Variants in MECOM observed in about 807,000 individuals in gnomAD.
MECOM encodes MDS1 and EVI1 complex locus, also known as histone-lysine N-methyltransferase MECOM.
MECOM carries 13 observed loss-of-function variants against 116.3 expected under a neutral mutation model. The observed-to-expected ratio is 0.11, with a 90% CI of 0.07 to 0.18. The LOEUF is 0.18. MECOM is among the 10% of genes least tolerant of loss of function. The probability of loss-of-function intolerance (pLI) is 1.00; values close to 1 mark genes in which losing one functional copy is unlikely to be tolerated. For missense variants in MECOM, 1,299 were observed against 1,509.0 expected (o/e 0.86, Z 2.31); for synonymous variants, 528 against 535.2 (o/e 0.99, Z 0.19).
intron 8 of MECOM, among the ~76,000 whole-genome samples, chr3:169,115,169 C>T (rs1414376859): frequency 6.6e-6 from 1 of 152,056 alleles, no homozygotes; most frequent in Non-Finnish European, 1.5e-5. Context: ...ATTCTGTAGG[C>T]CTATTCCAAA....
intron 1 of MECOM, among the ~76,000 whole-genome samples, chr3:169,641,995 C>T (rs1201787271): frequency 2.0e-5 from 3 of 152,174 alleles, no homozygotes; most frequent in Non-Finnish European, 4.4e-5. Context: ...AGTGATCTGT[C>T]ATTGAGAAAG....
chr3:169,610,527 G>GTGTATATA (rs946098201), intron 1 of MECOM, among the ~76,000 whole-genome samples: 36 of 151,092 alleles, frequency 2.4e-4, no homozygotes, highest in Middle Eastern at 3.4e-3. Flanking sequence ...GTGTGTGTGT[G>GTGTATATA]TATAATATCC....
chr3:169,585,133 T>A (rs1328449728), intron 1 of MECOM, among the ~76,000 whole-genome samples: 3 of 152,132 alleles, frequency 2.0e-5, no homozygotes, highest in Non-Finnish European at 4.4e-5. Flanking sequence ...GGATTAGAGG[T>A]CTTAGAAATC....
chr3:169,152,273 G>A (rs756280498), intron 2 of MECOM, among the ~76,000 whole-genome samples: 5 of 151,676 alleles, frequency 3.3e-5, no homozygotes, highest in Non-Finnish European at 7.4e-5. Context: ...CTATTGGGGT[G>A]TGCTGTTAGA....
intron 2 of MECOM, among the ~76,000 whole-genome samples, chr3:169,243,485 C>T (rs1380298533): frequency 6.6e-6 from 1 of 152,036 alleles, no homozygotes; most frequent in Non-Finnish European, 1.5e-5. Flanking sequence ...GACTTTTGTG[C>T]TGGGCAGCTC....
intron 2 of MECOM, among the ~76,000 whole-genome samples, chr3:169,288,280 A>G (rs545969805): frequency 4.7e-4 from 72 of 152,304 alleles, no homozygotes; most frequent in Non-Finnish European, 9.1e-4. Context: ...CCTGGGGAAT[A>G]GGCAAGAAAA....
chr3:169,660,562 C>T (rs879866418), intron 1 of MECOM, among the ~76,000 whole-genome samples: 19 of 152,228 alleles, frequency 1.2e-4, no homozygotes, highest in Middle Eastern at 3.4e-3. Flanking sequence ...GAACAACAAG[C>T]TACCGAGAAA....
chr3:169,518,005 A>G (rs1045081790), intron 1 of MECOM, among the ~76,000 whole-genome samples: 4 of 152,200 alleles, frequency 2.6e-5, no homozygotes, highest in Admixed American at 6.5e-5. Context: ...CACGCCTGTA[A>G]TCCCAGCACT....
At chr3:169,564,027 C>A (rs1301501140) in intron 1 of MECOM, among the ~76,000 whole-genome samples, 1 of 151,934 alleles carries the variant, frequency 6.6e-6, no homozygotes, top group East Asian at 1.9e-4. Flanking sequence ...TAGTGGTTAC[C>A]AAAGTGTGTC....
At chr3:169,364,084 G>A (rs2149830191) in intron 2 of MECOM, among the ~76,000 whole-genome samples, 1 of 152,000 alleles carries the variant, frequency 6.6e-6, no homozygotes, top group South Asian at 2.1e-4. Flanking sequence ...CAATTAAAAT[G>A]GGAACGTGTG....
chr3:169,162,245 A>G (rs1025505270), intron 2 of MECOM, among the ~76,000 whole-genome samples: 11 of 152,148 alleles, frequency 7.2e-5, no homozygotes, highest in Non-Finnish European at 1.6e-4. Flanking sequence ...ACAGGTTGAA[A>G]ATTACCAAAC....
chr3:169,529,161 T>C (rs948871982), intron 1 of MECOM, among the ~76,000 whole-genome samples: 17 of 152,166 alleles, frequency 1.1e-4, no homozygotes, highest in African/African-American at 4.1e-4. Context: ...CTGGGTCTCC[T>C]AGCCCCAGTC....
At chr3:169,087,829 A>G (rs1308586966) in intron 16 of MECOM, among the ~76,000 whole-genome samples, 1 of 152,206 alleles carries the variant, frequency 6.6e-6, no homozygotes. Flanking sequence ...CCCTTTTACA[A>G]TGAAGAAATG....
intron 2 of MECOM, among the ~76,000 whole-genome samples, chr3:169,326,133 G>A (rs116524102): frequency 2.0e-5 from 3 of 152,266 alleles, no homozygotes; most frequent in East Asian, 3.9e-4. Flanking sequence ...GAAGCCTCTC[G>A]GTGGAGGCAA....
intron 1 of MECOM, among the ~76,000 whole-genome samples, chr3:169,503,551 G>A (rs548838776): frequency 1.6e-4 from 24 of 152,150 alleles, no homozygotes; most frequent in Admixed American, 3.3e-4. Context: ...AAGAAAAAGC[G>A]GCCTTCATTT....
At position 169,083,886 on chromosome 3, in the gene MECOM, AC is replaced by A. The variant is rs1360878443; in HGVS notation, c.*1022del. 1 of 221,264 alleles carries A rather than the reference AC, an allele frequency of 4.5e-6. No homozygotes were observed. Among genetic ancestry groups the A allele is most frequent in the Non-Finnish European group, 9.0e-6 (1 of 110,570 alleles). 13.7% of individuals were successfully genotyped at this position (221,264 alleles called of 1,614,324 possible). A position where few individuals can be genotyped will look rare whatever the true frequency, so the allele number is the denominator to read the frequency against. On this transcript the variant is annotated 3_prime_UTR_variant, in exon 17 of 17. Coordinates refer to ENST00000651503, the MANE Select transcript of MECOM (RefSeq NM_004991.4). ...ATACAATTGAATCGATTTCAGTATT[AC>A]AAAAACTAAGTTGCATCTATTCGTA... is the stretch of plus-strand genomic sequence containing the variant.
intron 1 of MECOM, among the ~76,000 whole-genome samples, chr3:169,382,101 C>T (rs1296582350): frequency 6.6e-6 from 1 of 152,128 alleles, no homozygotes; most frequent in Non-Finnish European, 1.5e-5. Context: ...CTTGGTATTT[C>T]CTTGCCTCAG....
chr3:169,357,491 A>C (rs1270592187), intron 2 of MECOM, among the ~76,000 whole-genome samples: 1 of 151,832 alleles, frequency 6.6e-6, no homozygotes, highest in Non-Finnish European at 1.5e-5. Context: ...AGAAAATAAT[A>C]TTAAAATTAA....
intron 2 of MECOM, among the ~76,000 whole-genome samples, chr3:169,292,431 C>T (rs763174007): frequency 3.9e-5 from 6 of 152,006 alleles, no homozygotes; most frequent in Non-Finnish European, 5.9e-5. Context: ...ATGAAAGGCC[C>T]CTACAGAATC....
Sources: allele counts gnomAD v4.1 joint callset (sites outside exome capture counted in the v4.1 genomes callset), GRCh38; gene constraint gnomAD v4.1.1; transcripts MANE v1.5; gene names NCBI Gene and HGNC (gene_info 2026-07-23, HGNC 2026-07-21).